The following GMDS variants were observed in gnomAD, a reference collection of about 807,000 sequenced individuals.
The protein encoded by GMDS is GDP-mannose 4,6-dehydratase, also known as GDP-mannose 4,6 dehydratase.
In GMDS, 20 loss-of-function variants were observed where a neutral mutation model predicts 49.9. That is an observed-to-expected ratio of 0.40 (90% CI 0.28 to 0.58). The LOEUF is 0.58. Among genes scored for constraint, GMDS ranks in the 20% least tolerant of loss-of-function variants. The pLI is 0.42. For missense variants in GMDS, 362 were observed against 481.4 expected (o/e 0.75, Z 2.32); for synonymous variants, 177 against 178.6 (o/e 0.99, Z 0.07).
At chr6:2,050,335 T>C (rs903230858) in intron 4 of GMDS, among the ~76,000 whole-genome samples, 9 of 152,108 alleles carry the variant, frequency 5.9e-5, no homozygotes, top group African/African-American at 1.9e-4. Flanking sequence ...CAGGAAGAAG[T>C]TGAATCTCTG....
chr6:2,200,507 T>TAAC (rs1320238407), intron 1 of GMDS, among the ~76,000 whole-genome samples: 2 of 131,844 alleles, frequency 1.5e-5, no homozygotes, highest in Non-Finnish European at 3.2e-5. Context: ...ATCCGAGATG[T>TAAC]AACCAACTAG....
At chr6:1,822,377 T>A (rs1176706910) in intron 7 of GMDS, among the ~76,000 whole-genome samples, 2 of 152,154 alleles carry the variant, frequency 1.3e-5, no homozygotes, top group African/African-American at 2.4e-5. Flanking sequence ...AGGTCACATA[T>A]CCCTGGTAGT....
intron 7 of GMDS, among the ~76,000 whole-genome samples, chr6:1,779,815 T>C (rs900538763): frequency 5.3e-5 from 8 of 152,242 alleles, no homozygotes; most frequent in African/African-American, 1.9e-4. Context: ...GAAGTGTCTG[T>C]GTTTCGAGTG....
intron 1 of GMDS, among the ~76,000 whole-genome samples, chr6:2,176,851 G>C (rs1023847922): frequency 6.6e-6 from 1 of 152,132 alleles, no homozygotes; most frequent in East Asian, 1.9e-4. Flanking sequence ...AGGGAGAAGG[G>C]TCAGGTAAAA....
intron 4 of GMDS, among the ~76,000 whole-genome samples, chr6:2,088,217 A>C (rs1375127782): frequency 6.6e-6 from 1 of 152,166 alleles, no homozygotes; most frequent in Non-Finnish European, 1.5e-5. Context: ...GTGATAGCGG[A>C]GATCAGAAAA....
chr6:2,049,576 G>A (rs1241467950), intron 4 of GMDS, among the ~76,000 whole-genome samples: 1 of 152,154 alleles, frequency 6.6e-6, no homozygotes, highest in Non-Finnish European at 1.5e-5. Flanking sequence ...ATGTGATCAA[G>A]GTAAGGATCT....
chr6:1,845,592 C>T (rs894616557), intron 7 of GMDS, among the ~76,000 whole-genome samples: 9 of 152,248 alleles, frequency 5.9e-5, no homozygotes, highest in African/African-American at 1.4e-4. Flanking sequence ...TGTAAGTCAG[C>T]GGTCCCCATC....
intron 4 of GMDS, among the ~76,000 whole-genome samples, chr6:2,023,316 C>T (rs1768387849): frequency 6.6e-6 from 1 of 152,200 alleles, no homozygotes. Flanking sequence ...ATGATGATGG[C>T]CATAAGCTAC....
chr6:1,705,699 T>C (rs1256285181), intron 9 of GMDS, among the ~76,000 whole-genome samples: 2 of 152,088 alleles, frequency 1.3e-5, no homozygotes, highest in Non-Finnish European at 2.9e-5. Flanking sequence ...TGGGTGTCCA[T>C]GGCAACAGAA....
chr6:1,694,905 T>C (rs1455201296), intron 9 of GMDS, among the ~76,000 whole-genome samples: 2 of 152,210 alleles, frequency 1.3e-5, no homozygotes, highest in African/African-American at 4.8e-5. Context: ...GAGCCAACCC[T>C]GCTTTGGAAG....
intron 4 of GMDS, among the ~76,000 whole-genome samples, chr6:2,069,786 G>A (rs1354893429): frequency 6.6e-6 from 1 of 152,094 alleles, no homozygotes; most frequent in Middle Eastern, 3.2e-3. Flanking sequence ...TGGAGAGGAT[G>A]TGGAGAAATA....
At chr6:1,943,478 T>C (rs372112703) in intron 6 of GMDS, among the ~76,000 whole-genome samples, 1 of 152,300 alleles carries the variant, frequency 6.6e-6, no homozygotes, top group African/African-American at 2.4e-5. Context: ...TAACACATGA[T>C]AGGTGTTCAA....
chr6:2,216,911 T>C (rs1252557052), intron 1 of GMDS, among the ~76,000 whole-genome samples: 1 of 152,080 alleles, frequency 6.6e-6, no homozygotes, highest in African/African-American at 2.4e-5. Flanking sequence ...CCAACTCCCA[T>C]GGCTCCTCAC....
intron 4 of GMDS, among the ~76,000 whole-genome samples, chr6:1,995,466 G>C (rs897851849): frequency 2.6e-5 from 4 of 151,908 alleles, no homozygotes; most frequent in African/African-American, 9.7e-5. Flanking sequence ...GAGAGTGGCT[G>C]TCCACAGTAT....
chr6:2,045,536 T>C (rs1769952923), intron 4 of GMDS, among the ~76,000 whole-genome samples: 1 of 152,160 alleles, frequency 6.6e-6, no homozygotes, highest in African/African-American at 2.4e-5. Context: ...CAGTTTATTT[T>C]TTTAATACAA....
chr6:2,122,719 CACTT>C (rs1775208453), intron 2 of GMDS, among the ~76,000 whole-genome samples: 1 of 152,182 alleles, frequency 6.6e-6, no homozygotes, highest in Non-Finnish European at 1.5e-5. Context: ...AGGATAAACA[CACTT>C]ACAGTCCCAC....
intron 9 of GMDS, among the ~76,000 whole-genome samples, chr6:1,655,238 G>GT (rs1192380391): frequency 2.6e-5 from 4 of 152,074 alleles, no homozygotes; most frequent in African/African-American, 9.7e-5. Flanking sequence ...CTTAATTGTT[G>GT]TATCATTAGT....
rs559219979 is a variant in GMDS, at chr6:1,695,190, T to C, written c.987+31226A>G. Among the ~76,000 whole-genome samples, 268 of 152,320 alleles carry C rather than the reference T, an allele frequency of 1.8e-3. 1 individual carries two copies. The highest frequency in any genetic ancestry group is 6.3e-3 in the African/African-American group (261 of 41,562). ...GCTCGTCTGCACAATATACCACCAG[T>C]TCACTAGGTGACGTGGAGAATCCTG... is the stretch of plus-strand genomic sequence containing the variant. On this transcript the variant is annotated intron_variant, in intron 9 of 10. Transcript: ENST00000380815.
At chr6:1,824,473 T>A (rs58267277) in intron 7 of GMDS, among the ~76,000 whole-genome samples, 16 of 152,142 alleles carry the variant, frequency 1.1e-4, no homozygotes, top group African/African-American at 3.9e-4. Context: ...ACTTTTTTTG[T>A]CTTTGTGTCA....
Sources: allele counts gnomAD v4.1 joint callset (sites outside exome capture counted in the v4.1 genomes callset), GRCh38; gene constraint gnomAD v4.1.1; transcripts MANE v1.5; gene names NCBI Gene and HGNC (gene_info 2026-07-23, HGNC 2026-07-21).